Variants in PDE8A observed in about 807,000 individuals in gnomAD.
The protein encoded by PDE8A is phosphodiesterase 8A, also known as high affinity cAMP-specific and IBMX-insensitive 3',5'-cyclic phosphodiesterase 8A.
In PDE8A, 59 loss-of-function variants were observed where a neutral mutation model predicts 105.0. The observed-to-expected ratio is 0.56, with a 90% CI of 0.46 to 0.70. The LOEUF (loss-of-function observed/expected upper bound fraction) is 0.70, where lower values mean the gene tolerates loss of function less well. PDE8A is among the 30% of genes least tolerant of loss of function. The pLI, the probability that PDE8A is intolerant of heterozygous loss-of-function variation, is 0.00. For missense variants in PDE8A, 1,014 were observed against 1,045.9 expected (o/e 0.97, Z 0.42); for synonymous variants, 355 against 371.9 (o/e 0.95, Z 0.52).
chr15:84,982,076 G>A lies in PDE8A; in HGVS notation c.-87G>A, dbSNP rs1197443639. 1 of 836,732 alleles carries A rather than the reference G, an allele frequency of 1.2e-6. No individual in the cohort carries two copies. 51.8% of individuals were successfully genotyped at this position (836,732 alleles called of 1,614,324 possible). A position where few individuals can be genotyped will look rare whatever the true frequency, so the allele number is the denominator to read the frequency against. On this transcript the variant is annotated 5_prime_UTR_variant, in exon 1 of 22. Coordinates refer to ENST00000394553, the MANE Select transcript of PDE8A (RefSeq NM_002605.3). ...CCCGCCCAGGCGGCGATGACACGGC[G>A]CCCGCGGCGGCCCGGAGGCGCCGGG...
intron 1 of PDE8A, among the ~76,000 whole-genome samples, chr15:85,046,443 G>A (rs776002513): frequency 1.3e-5 from 2 of 152,160 alleles, no homozygotes; most frequent in African/African-American, 4.8e-5. Flanking sequence ...TAATAAGCTG[G>A]TATGAGTATA....
chr15:85,053,774 T>G (rs1386496875), intron 1 of PDE8A, among the ~76,000 whole-genome samples: 1 of 152,262 alleles, frequency 6.6e-6, no homozygotes, highest in Non-Finnish European at 1.5e-5. Context: ...CAGGGACAAT[T>G]TGACTTCCTC....
intron 1 of PDE8A, among the ~76,000 whole-genome samples, chr15:85,009,108 A>AGTGT (rs769774976): frequency 2.3e-3 from 97 of 42,236 alleles, no homozygotes; most frequent in Non-Finnish European, 3.3e-3. Context: ...AGAGAGAGAG[A>AGTGT]GAGTGTGTGT....
At chr15:84,997,527 C>T (rs1405442994) in intron 1 of PDE8A, among the ~76,000 whole-genome samples, 1 of 151,948 alleles carries the variant, frequency 6.6e-6, no homozygotes, top group African/African-American at 2.4e-5. Context: ...AAATTGCAGC[C>T]ATTTTCCCGT....
chr15:85,098,974 T>A (rs4842863), intron 9 of PDE8A, among the ~76,000 whole-genome samples: 32,490 of 150,360 alleles, frequency 0.22, 4,549 homozygotes, highest in Middle Eastern at 0.33. Flanking sequence ...AAAAAAAAAA[T>A]AAAATATGAG....
intron 20 of PDE8A, 115 bp from the exon 21 acceptor site, chr15:85,136,419 C>A: frequency 9.1e-7 from 1 of 1,098,546 alleles, no homozygotes; most frequent in African/African-American, 1.6e-5. Context: ...ATTGGCTTCT[C>A]ACCATGACAA....
chr15:85,029,602 A>G (rs1348076433), intron 1 of PDE8A, among the ~76,000 whole-genome samples: 1 of 152,150 alleles, frequency 6.6e-6, no homozygotes, highest in African/African-American at 2.4e-5. Flanking sequence ...GAATTTGTAT[A>G]TATGTGGCGC....
At chr15:85,039,560 A>C (rs1174145073) in intron 1 of PDE8A, among the ~76,000 whole-genome samples, 2 of 152,162 alleles carry the variant, frequency 1.3e-5, no homozygotes, top group Non-Finnish European at 1.5e-5. Flanking sequence ...TAAAAAAAAA[A>C]CTAAAAATAG....
intron 1 of PDE8A, among the ~76,000 whole-genome samples, chr15:84,996,217 C>G (rs2079973499): frequency 2.6e-5 from 4 of 151,740 alleles, no homozygotes; most frequent in African/African-American, 9.7e-5. Context: ...CAGGGTCTTG[C>G]TCTGTTGCCC....
intron 20 of PDE8A, among the ~76,000 whole-genome samples, chr15:85,129,571 C>T (rs994600533): frequency 2.0e-5 from 3 of 152,152 alleles, no homozygotes; most frequent in Admixed American, 1.3e-4. Flanking sequence ...TTCCCACTTT[C>T]ATTCTGATTT....
chr15:85,061,243 A>T (rs1301577585), intron 1 of PDE8A, among the ~76,000 whole-genome samples: 2 of 150,244 alleles, frequency 1.3e-5, no homozygotes, highest in Admixed American at 1.3e-4. Flanking sequence ...TTATTTATTT[A>T]TTTTTTTTGA....
At chr15:85,060,320 T>G (rs1480727054) in intron 1 of PDE8A, among the ~76,000 whole-genome samples, 1 of 152,228 alleles carries the variant, frequency 6.6e-6, no homozygotes, top group Non-Finnish European at 1.5e-5. Flanking sequence ...TACTGCTTTA[T>G]TCCCACCCTT....
At chr15:85,114,942 G>A (rs2082072562) in intron 14 of PDE8A, among the ~76,000 whole-genome samples, 1 of 152,156 alleles carries the variant, frequency 6.6e-6, no homozygotes, top group African/African-American at 2.4e-5. Flanking sequence ...TCTGGAAGCA[G>A]TGGTGAGGAG....
At chr15:85,109,999 G>C (rs1362986413) in intron 12 of PDE8A, among the ~76,000 whole-genome samples, 1 of 152,200 alleles carries the variant, frequency 6.6e-6, no homozygotes, top group African/African-American at 2.4e-5. Context: ...TCTCTGTGTA[G>C]CCTTGAGGGT....
intron 1 of PDE8A, among the ~76,000 whole-genome samples, chr15:85,008,601 C>CTGTA (rs2080187800): frequency 6.6e-6 from 1 of 152,102 alleles, no homozygotes; most frequent in Non-Finnish European, 1.5e-5. Flanking sequence ...TATACCTTAT[C>CTGTA]CTGGCTACCT....
chr15:85,122,680 A>C (rs994725400), intron 18 of PDE8A, among the ~76,000 whole-genome samples: 12 of 152,224 alleles, frequency 7.9e-5, no homozygotes, highest in African/African-American at 2.9e-4. Context: ...GGAGGTATCA[A>C]GTACTCCCTA....
At chr15:85,005,607 G>A (rs1315074328) in intron 1 of PDE8A, among the ~76,000 whole-genome samples, 1 of 152,126 alleles carries the variant, frequency 6.6e-6, no homozygotes, top group African/African-American at 2.4e-5. Flanking sequence ...AGTATTTAGG[G>A]ACTATTGCTT....
At chr15:85,115,122 A>C (rs2082075867) in intron 14 of PDE8A, 2 of 340,274 alleles carry the variant, frequency 5.9e-6, no homozygotes, top group Admixed American at 1.1e-4. Flanking sequence ...CCTGGAGTGC[A>C]AGCAAGAATG....
rs143651877 is a variant in PDE8A at position 85,026,168 on chromosome 15, C to T, written c.187-38202C>T. Among the ~76,000 whole-genome samples the T allele has an allele frequency of 2.9e-3, 441 of 152,262 alleles. 3 individuals are homozygous for T. Among genetic ancestry groups the T allele is most frequent in the African/African-American group, 0.01 (416 of 41,546 alleles). On this transcript the variant is annotated intron_variant, in intron 1 of 21. Coordinates refer to ENST00000394553, the MANE Select transcript of PDE8A (RefSeq NM_002605.3). Reference sequence around the variant, plus strand: ...TAAATTGCTGTGAAACAAACCACCCCAAACTTAGTGACATTAAACAGTAAC... The same window carrying T: ...TAAATTGCTGTGAAACAAACCACCCTAAACTTAGTGACATTAAACAGTAAC...
Sources: gnomAD v4.1 joint callset for allele counts (sites outside exome capture counted in the v4.1 genomes callset) on GRCh38, gnomAD v4.1.1 for gene constraint, MANE v1.5 for transcripts, NCBI Gene and HGNC (gene_info 2026-07-23, HGNC 2026-07-21) for gene names.